The following EYA2 variants were observed in gnomAD, a reference collection of about 807,000 sequenced individuals.
EYA2 encodes the protein protein phosphatase EYA2.
A neutral mutation model predicts 69.2 loss-of-function variants in EYA2; 31 were observed. The observed-to-expected ratio is 0.45, with a 90% CI of 0.34 to 0.60. The LOEUF (loss-of-function observed/expected upper bound fraction) is 0.60, where lower values mean the gene tolerates loss of function less well. Ranked by LOEUF, EYA2 falls within the 20% of genes least tolerant of loss-of-function variation. The pLI is 0.02. For missense variants in EYA2, 622 were observed against 701.2 expected, an observed-to-expected ratio of 0.89 and a Z score of 1.28; for synonymous variants, 257 against 279.4, an observed-to-expected ratio of 0.92 and a Z score of 0.80.
intron 10 of EYA2, chr20:47,161,050 C>A: frequency 3.4e-6 from 1 of 291,738 alleles, no homozygotes; most frequent in Non-Finnish European, 6.5e-6. Flanking sequence ...GGTGGCAGTG[C>A]AGCTGCGGCG....
At chr20:46,972,966 G>T (rs1421733947) in intron 1 of EYA2, among the ~76,000 whole-genome samples, 1 of 152,168 alleles carries the variant, frequency 6.6e-6, no homozygotes, top group Non-Finnish European at 1.5e-5. Flanking sequence ...CCTAATGAAA[G>T]AATTGATTCA....
intron 1 of EYA2, among the ~76,000 whole-genome samples, chr20:46,910,940 C>A (rs1403721965): frequency 6.6e-6 from 1 of 152,156 alleles, no homozygotes; most frequent in African/African-American, 2.4e-5. Context: ...ACTGTCTGTC[C>A]CTTTTAGGTG....
Position 47,188,276 on chromosome 20 carries a change from C to A in EYA2, c.*143C>A. The A allele has an allele frequency of 1.4e-6, 1 of 709,130 alleles. No homozygotes were observed. The allele number at this position is 709,130 out of a possible 1,614,324, so 43.9% of individuals were successfully genotyped here. A position where few individuals can be genotyped will look rare whatever the true frequency, so the allele number is the denominator to read the frequency against. On this transcript the variant is annotated 3_prime_UTR_variant, in exon 16 of 16. Transcript: ENST00000327619. The stretch of plus-strand genomic sequence containing the variant: ...GAGACGACGTGTCCAGTGACCATCT[C>A]AGAAGCCGTCCATCAGTCCAAATGG...
chr20:47,123,065 G>A (rs1024393278), intron 9 of EYA2, among the ~76,000 whole-genome samples: 3 of 152,074 alleles, frequency 2.0e-5, no homozygotes, highest in Non-Finnish European at 4.4e-5. Context: ...CACCTTATAG[G>A]GTCACTGGGG....
chr20:46,949,722 TTGATACTTTTATGTAG>T, intron 1 of EYA2, among the ~76,000 whole-genome samples: 1 of 152,242 alleles, frequency 6.6e-6, no homozygotes, highest in Admixed American at 6.5e-5. Flanking sequence ...GCTTAAAAGC[TTGATACTTTTATGTAG>T]CTGTTAGGTT....
chr20:47,167,280 CTTTTTT>C (rs11470455), intron 10 of EYA2, among the ~76,000 whole-genome samples: 1 of 111,728 alleles, frequency 9.0e-6, no homozygotes. Flanking sequence ...GGTTTTTTTA[CTTTTTT>C]TTTTTTTTTT....
chr20:46,927,399 C>T (rs368614474), intron 1 of EYA2, among the ~76,000 whole-genome samples: 43 of 152,334 alleles, frequency 2.8e-4, no homozygotes, highest in Admixed American at 1.8e-3. Flanking sequence ...GAGTTCACAG[C>T]ATGGCTGTAT....
chr20:47,063,392 C>CGTGTGTGTGTGTGTGTGTGTGT (rs35187186), intron 5 of EYA2, among the ~76,000 whole-genome samples: 41 of 143,488 alleles, frequency 2.9e-4, no homozygotes, highest in East Asian at 2.1e-3. Context: ...TGTGCGTGTG[C>CGTGTGTGTGTGTGTGTGTGTGT]GTGTGTGTGT....
chr20:47,175,501 T>C (rs1023131685), intron 12 of EYA2, among the ~76,000 whole-genome samples: 1 of 152,106 alleles, frequency 6.6e-6, no homozygotes, highest in African/African-American at 2.4e-5. Flanking sequence ...AGATGGCTAA[T>C]AGTGTCTGCA....
chr20:47,057,308 A>G (rs1477267278), intron 5 of EYA2, among the ~76,000 whole-genome samples: 1 of 152,200 alleles, frequency 6.6e-6, no homozygotes, highest in African/African-American at 2.4e-5. Flanking sequence ...AGCTGCAGCC[A>G]GGTCTTTGCC....
chr20:47,066,819 GT>G (rs1197614487), intron 5 of EYA2, among the ~76,000 whole-genome samples: 2 of 152,170 alleles, frequency 1.3e-5, no homozygotes, highest in East Asian at 3.8e-4. Flanking sequence ...TTAAGAGGAT[GT>G]TTTTTTCATC....
intron 7 of EYA2, among the ~76,000 whole-genome samples, chr20:47,084,912 T>G (rs2031845567): frequency 6.6e-6 from 1 of 151,002 alleles, no homozygotes; most frequent in Non-Finnish European, 1.5e-5. Flanking sequence ...CATAGCTCAC[T>G]GCAGCCTCAA....
At chr20:47,009,311 G>A (rs1416216736) in intron 4 of EYA2, among the ~76,000 whole-genome samples, 1 of 152,208 alleles carries the variant, frequency 6.6e-6, no homozygotes, top group African/African-American at 2.4e-5. Context: ...TCATCGTCTG[G>A]ACAAACCTTG....
At chr20:47,166,941 T>C (rs1330725466) in intron 10 of EYA2, 1 of 153,872 alleles carries the variant, frequency 6.5e-6, no homozygotes, top group African/African-American at 2.4e-5. Context: ...CCCCCGCACA[T>C]TTTTTGCCCC....
At chr20:47,141,762 G>A (rs1206839) in intron 9 of EYA2, among the ~76,000 whole-genome samples, 2,600 of 152,302 alleles carry the variant, frequency 0.017, 59 homozygotes, top group African/African-American at 0.058. Flanking sequence ...GCATGGGGAA[G>A]TGTGCACTGG....
At chr20:46,986,403 G>GATCTATATAATATCTATATAATATATAA (rs1981205523) in intron 1 of EYA2, among the ~76,000 whole-genome samples, 2 of 134,854 alleles carry the variant, frequency 1.5e-5, no homozygotes, top group Non-Finnish European at 3.1e-5. Flanking sequence ...ATAATATATA[G>GATCTATATAATATCTATATAATATATAA]ATCTATATAA....
rs183787568 is a variant in EYA2 at position 46,954,511 on chromosome 20, C to T, written c.-10-35490C>T. Among the ~76,000 whole-genome samples, 6 of 152,338 alleles carry T rather than the reference C, an allele frequency of 3.9e-5. No homozygotes were observed. The South Asian group carries it at 6.2e-4, about 16-fold the overall frequency. The stretch of plus-strand genomic sequence containing the variant: ...TTGTGGTTTGTGGACAAAAGATTTG[C>T]GTAGCACGCAGTCTCCTGGCAGCTC... On this transcript the variant is annotated intron_variant, in intron 1 of 15. Coordinates refer to ENST00000327619, the MANE Select transcript of EYA2 (RefSeq NM_005244.5).
chr20:47,064,608 T>C (rs974025538), intron 5 of EYA2, among the ~76,000 whole-genome samples: 1 of 152,264 alleles, frequency 6.6e-6, no homozygotes, highest in African/African-American at 2.4e-5. Context: ...CACCAGCGTG[T>C]GTGAGTGTTC....
chr20:47,100,618 C>G (rs2032397138), intron 9 of EYA2, among the ~76,000 whole-genome samples: 1 of 152,242 alleles, frequency 6.6e-6, no homozygotes, highest in African/African-American at 2.4e-5. Context: ...GAATCAGACT[C>G]AAGCTCACCT....
Sources: allele counts gnomAD v4.1 joint callset (sites outside exome capture counted in the v4.1 genomes callset), GRCh38; gene constraint gnomAD v4.1.1; transcripts MANE v1.5; gene names NCBI Gene and HGNC (gene_info 2026-07-23, HGNC 2026-07-21).